Variants in MTTP observed in about 807,000 individuals in gnomAD.
MTTP encodes microsomal triglyceride transfer protein.
In MTTP, 49 loss-of-function variants were observed where a neutral mutation model predicts 90.6. The ratio of observed to expected loss-of-function variants is 0.54; its 90% CI spans 0.43 to 0.69. The LOEUF is 0.69. Ranked by LOEUF, MTTP falls within the 30% of genes least tolerant of loss-of-function variation. MTTP has a pLI of 0.00. For synonymous variants in MTTP, 347 were observed against 384.2 expected (o/e 0.90, Z 1.13); for missense variants, 945 against 1,067.5 (o/e 0.89, Z 1.60).
chr4:99,606,500 AATAT>A (rs776832505), intron 10 of MTTP, among the ~76,000 whole-genome samples: 5 of 152,208 alleles, frequency 3.3e-5, no homozygotes, highest in Non-Finnish European at 5.9e-5. Context: ...TTCAAAACAA[AATAT>A]GCCCATTATT....
At position 99,606,888 on chromosome 4, in the gene MTTP, A is replaced by C; in HGVS notation, c.1485A>C (p.Ala495=). ...CAAGTCTTCTGAAGTATGCAGAAGC[A>C]GGAGAAGGGCCCATCAGCCACCTGG... ...GIPSLLKYAE[A]GEGPISHLAT... is the part of the protein sequence containing the mutation. Residue 495 remains alanine (A), a synonymous_variant, in exon 11 of 18, where the codon GCA becomes GCC. Transcript: ENST00000265517. The C allele has an allele frequency of 6.2e-7, 1 of 1,614,080 alleles. No individual in the cohort carries two copies. The highest frequency in any genetic ancestry group is 1.1e-5 in the South Asian group (1 of 91,082).
intron 3 of MTTP, 86 bp from the exon 4 acceptor site, chr4:99,589,557 G>A: frequency 1.3e-6 from 1 of 791,258 alleles, no homozygotes; most frequent in Non-Finnish European, 2.2e-6. Context: ...ATACAGGTAA[G>A]AATCTGACCT....
chr4:99,613,494 C>T (rs930881960), intron 15 of MTTP, among the ~76,000 whole-genome samples: 1 of 152,130 alleles, frequency 6.6e-6, no homozygotes, highest in African/African-American at 2.4e-5. Context: ...AGGAGCTGAA[C>T]TATGTGGCCT....
intron 2 of MTTP, among the ~76,000 whole-genome samples, chr4:99,582,931 A>G (rs1374576565): frequency 6.6e-6 from 1 of 152,180 alleles, no homozygotes; most frequent in Non-Finnish European, 1.5e-5. Context: ...ACAACAGTAA[A>G]CTGTTCTCCA....
chr4:99,578,414 C>A (rs1725019990), intron 1 of MTTP, among the ~76,000 whole-genome samples: 1 of 152,172 alleles, frequency 6.6e-6, no homozygotes, highest in Admixed American at 6.5e-5. Flanking sequence ...GTTGCCAGAT[C>A]TCTGCAAAGC....
chr4:99,604,730 C>T (rs1365474011), intron 10 of MTTP, among the ~76,000 whole-genome samples: 1 of 152,100 alleles, frequency 6.6e-6, no homozygotes, highest in Non-Finnish European at 1.5e-5. Flanking sequence ...TCTAATTCAA[C>T]ACTACAGGGT....
At chr4:99,565,665 A>G (rs769792679) in intron 1 of MTTP, among the ~76,000 whole-genome samples, 1 of 152,236 alleles carries the variant, frequency 6.6e-6, no homozygotes, top group Non-Finnish European at 1.5e-5. Flanking sequence ...GTAAATAAAT[A>G]CCATACAACA....
chr4:99,572,234 GT>G (rs1039533911), upstream of MTTP, among the ~76,000 whole-genome samples: 2 of 151,916 alleles, frequency 1.3e-5, no homozygotes, highest in Non-Finnish European at 2.9e-5. Flanking sequence ...CAATAGCATT[GT>G]TTTGAAATGT....
chr4:99,564,297 A>G (rs1375199859), intron 1 of MTTP: 1 of 1,470,136 alleles, frequency 6.8e-7, no homozygotes, highest in Non-Finnish European at 9.1e-7. Context: ...AACAACGAAG[A>G]AAGGCTCCTA....
rs756120120 is a variant in MTTP at position 99,612,999 on chromosome 4, G to A, written c.2076G>A (p.Met692Ile). ...AGAACCTTGACTCCTATGCTGGTAT[G>A]TCAGCCATCCTCTTTGATGTTCAGC... ...GEENLDSYAG[M>I]SAILFDVQLR... The change falls in exon 15 of 18, where the codon ATG becomes ATA. Residue 692 changes from methionine (M) to isoleucine (I), a missense_variant. Met to Ile is a conservative substitution (Grantham distance 10, BLOSUM62 1). Coordinates refer to ENST00000265517, the MANE Select transcript of MTTP (RefSeq NM_001386140.1). The A allele has an allele frequency of 8.1e-6, 13 of 1,613,930 alleles. No homozygotes were observed. The East Asian group carries it at 2.2e-4, about 28-fold the overall frequency.
At chr4:99,605,728 T>C (rs1046033500) in intron 10 of MTTP, among the ~76,000 whole-genome samples, 1 of 152,218 alleles carries the variant, frequency 6.6e-6, no homozygotes, top group Non-Finnish European at 1.5e-5. Context: ...AGCAAACTTT[T>C]GAATTTTTCA....
chr4:99,613,170 G>T, intron 15 of MTTP, 30 bp downstream of exon 15: 1 of 1,577,814 alleles, frequency 6.3e-7, no homozygotes, highest in South Asian at 1.1e-5. Context: ...AGTATTTATT[G>T]AGTCCCTAAA....
chr4:99,588,056 C>T (rs957165330), intron 3 of MTTP, among the ~76,000 whole-genome samples: 10 of 152,170 alleles, frequency 6.6e-5, no homozygotes, highest in African/African-American at 2.4e-4. Flanking sequence ...GATAAAGTAC[C>T]TAGTAAATCC....
intron 4 of MTTP, among the ~76,000 whole-genome samples, chr4:99,590,251 A>C (rs1725381989): frequency 6.6e-6 from 1 of 152,038 alleles, no homozygotes; most frequent in South Asian, 2.1e-4. Context: ...GTGTGCCACC[A>C]TGCCCGGCTT....
At chr4:99,607,023 A>G in intron 11 of MTTP, 63 bp downstream of exon 11, 1 of 1,414,516 alleles carries the variant, frequency 7.1e-7, no homozygotes, top group East Asian at 2.4e-5. Flanking sequence ...GCTGAACATG[A>G]GTCAAATGCA....
intron 14 of MTTP, 52 bp downstream of exon 14, chr4:99,611,505 T>C: frequency 6.3e-7 from 1 of 1,598,014 alleles, no homozygotes. Context: ...GAAATCAGGC[T>C]GAGGTAAAAT....
At chr4:99,597,010 A>C in intron 7 of MTTP, 57 bp from the exon 8 acceptor site, 1 of 1,605,760 alleles carries the variant, frequency 6.2e-7, no homozygotes, top group Non-Finnish European at 8.5e-7. Context: ...CACCCTTTGT[A>C]AATGTGGATG....
At chr4:99,611,114 G>A in intron 12 of MTTP, 29 bp from the exon 13 acceptor site, 1 of 1,591,024 alleles carries the variant, frequency 6.3e-7, no homozygotes, top group East Asian at 2.2e-5. Flanking sequence ...CAATGAATGT[G>A]CAGCTTTTTT....
At chr4:99,564,718 T>A (rs763192204) in intron 1 of MTTP, among the ~76,000 whole-genome samples, 16 of 152,298 alleles carry the variant, frequency 1.1e-4, no homozygotes, top group Non-Finnish European at 1.9e-4. Context: ...TATTGCAGAA[T>A]TTGAAGGTAA....
Sources: allele counts gnomAD v4.1 joint callset (sites outside exome capture counted in the v4.1 genomes callset), GRCh38; gene constraint gnomAD v4.1.1; transcripts MANE v1.5; gene names NCBI Gene and HGNC (gene_info 2026-07-23, HGNC 2026-07-21).